Variants in RUFY3 observed in about 807,000 individuals in gnomAD.
RUFY3 encodes the protein protein RUFY3.
A neutral mutation model predicts 84.0 loss-of-function variants in RUFY3; 34 were observed. The ratio of observed to expected loss-of-function variants is 0.40; its 90% CI spans 0.31 to 0.54. RUFY3 has a LOEUF of 0.54. Among genes scored for constraint, RUFY3 ranks in the 20% least tolerant of loss-of-function variants. RUFY3 has a pLI of 0.39. For missense variants in RUFY3, 507 were observed against 736.8 expected (o/e 0.69, Z 3.61); for synonymous variants, 242 against 252.9 (o/e 0.96, Z 0.41).
chr4:70,787,187 A>AATATATATATAT (rs1202870337), intron 10 of RUFY3, among the ~76,000 whole-genome samples: 3 of 81,472 alleles, frequency 3.7e-5, no homozygotes, highest in African/African-American at 1.6e-4. Flanking sequence ...AAAAAAAAAA[A>AATATATATATAT]ATATATATAT....
At chr4:70,714,624 A>G (rs2148566707) in intron 1 of RUFY3, among the ~76,000 whole-genome samples, 1 of 152,344 alleles carries the variant, frequency 6.6e-6, no homozygotes, top group Middle Eastern at 3.4e-3. Flanking sequence ...GGGTGGAAAA[A>G]TGCCATTGCA....
At chr4:70,773,129 T>C (rs1313749317) in intron 5 of RUFY3, among the ~76,000 whole-genome samples, 2 of 152,212 alleles carry the variant, frequency 1.3e-5, no homozygotes, top group African/African-American at 4.8e-5. Context: ...CCCTTTTTTT[T>C]AGCTGTATTT....
intron 13 of RUFY3, chr4:70,794,556 G>A (rs182268486): frequency 4.5e-6 from 2 of 446,980 alleles, no homozygotes; most frequent in African/African-American, 4.1e-5. Context: ...ACTCCAGCCT[G>A]GCAACAGAAC....
At position 70,736,506 on chromosome 4, in the gene RUFY3, G is replaced by A. The variant is rs569906193; in HGVS notation, c.178+13755G>A. Among the ~76,000 whole-genome samples the A allele has an allele frequency of 2.0e-5, 3 of 151,966 alleles. No homozygotes were observed. In the South Asian group the frequency reaches 6.2e-4, roughly 32 times the overall value. ...TCCTCTGCAATATTTTTCCATATGG[G>A]TAAATTGAAATTTTTGTCATTTTGT... is the stretch of plus-strand genomic sequence containing the variant. On this transcript the variant is annotated intron_variant, in intron 1 of 17. Coordinates refer to ENST00000381006, the MANE Select transcript of RUFY3 (RefSeq NM_001037442.4).
chr4:70,758,237 A>G (rs1473028493), intron 1 of RUFY3, among the ~76,000 whole-genome samples: 1 of 152,194 alleles, frequency 6.6e-6, no homozygotes, highest in Admixed American at 6.5e-5. Context: ...GTTTTGCAAA[A>G]TCATTTTACA....
intron 10 of RUFY3, among the ~76,000 whole-genome samples, chr4:70,785,843 A>G (rs1489322059): frequency 6.6e-6 from 1 of 152,176 alleles, no homozygotes; most frequent in Non-Finnish European, 1.5e-5. Context: ...CTCAAAAAAT[A>G]AAAAATAAAT....
intron 1 of RUFY3, among the ~76,000 whole-genome samples, chr4:70,750,404 T>C (rs566869041): frequency 6.6e-6 from 1 of 152,348 alleles, no homozygotes; most frequent in East Asian, 1.9e-4. Context: ...TCAGCCCATT[T>C]TCAAAGTCTG....
chr4:70,726,933 T>G (rs1262190528), intron 1 of RUFY3, among the ~76,000 whole-genome samples: 1 of 152,198 alleles, frequency 6.6e-6, no homozygotes, highest in Admixed American at 6.5e-5. Context: ...AAAATTCATT[T>G]TGCATTTTCT....
intron 1 of RUFY3, among the ~76,000 whole-genome samples, chr4:70,741,869 G>T (rs1239716734): frequency 6.6e-6 from 1 of 152,170 alleles, no homozygotes; most frequent in East Asian, 1.9e-4. Flanking sequence ...GCTTTTGAAA[G>T]ATATTTGCTG....
intron 12 of RUFY3, among the ~76,000 whole-genome samples, chr4:70,790,645 C>T (rs942549065): frequency 3.9e-5 from 6 of 152,218 alleles, no homozygotes; most frequent in African/African-American, 1.4e-4. Context: ...TGGCACTTCT[C>T]ACTGTCTACT....
At chr4:70,776,193 A>G (rs1166660976) in intron 7 of RUFY3, among the ~76,000 whole-genome samples, 2 of 152,170 alleles carry the variant, frequency 1.3e-5, no homozygotes, top group Non-Finnish European at 2.9e-5. Flanking sequence ...TTTCCTATAC[A>G]TATGTACCTA....
intron 1 of RUFY3, among the ~76,000 whole-genome samples, chr4:70,759,458 A>G (rs996694333): frequency 6.6e-6 from 1 of 151,502 alleles, no homozygotes; most frequent in African/African-American, 2.4e-5. Context: ...TATCTTGGTT[A>G]TTGTGAATAG....
Position 70,771,384 on chromosome 4 carries a change from A to G in RUFY3, c.697-2127A>G, listed in dbSNP as rs117771170. Among the ~76,000 whole-genome samples the G allele has an allele frequency of 9.4e-3, 1,424 of 152,268 alleles. 23 individuals are homozygous for G. The highest frequency in any genetic ancestry group is 0.056 in the South Asian group (269 of 4,818). The stretch of plus-strand genomic sequence containing the variant: ...AACAGAGTAAGGCATTCCACATGGT[A>G]GAAACATCCCACATAGAAAATTCAC... On this transcript the variant is annotated intron_variant, in intron 5 of 17. Coordinates refer to ENST00000381006, the MANE Select transcript of RUFY3 (RefSeq NM_001037442.4).
At chr4:70,711,341 CAT>C (rs1184167665) in intron 1 of RUFY3, among the ~76,000 whole-genome samples, 1 of 152,040 alleles carries the variant, frequency 6.6e-6, no homozygotes, top group African/African-American at 2.4e-5. Context: ...GTTTTGTAAA[CAT>C]AGAGGCGTCT....
intron 9 of RUFY3, among the ~76,000 whole-genome samples, chr4:70,784,536 A>C (rs1265822424): frequency 1.3e-5 from 2 of 152,128 alleles, no homozygotes; most frequent in East Asian, 3.8e-4. Flanking sequence ...AATGAATGCT[A>C]TGTTATTTTT....
intron 1 of RUFY3, 43 bp from the exon 2 acceptor site, chr4:70,762,476 A>G (rs769914062): frequency 1.3e-6 from 2 of 1,539,722 alleles, no homozygotes; most frequent in South Asian, 1.2e-5. Flanking sequence ...AAAATGTGCT[A>G]TTTCTAGTAA....
intron 1 of RUFY3, among the ~76,000 whole-genome samples, chr4:70,750,596 A>G (rs867633471): frequency 1.5e-4 from 23 of 152,220 alleles, no homozygotes; most frequent in Admixed American, 9.8e-4. Context: ...GGTGGTTAGT[A>G]TAGTCACAAA....
At chr4:70,725,350 G>A (rs113307225) in intron 1 of RUFY3, among the ~76,000 whole-genome samples, 1 of 146,712 alleles carries the variant, frequency 6.8e-6, no homozygotes, top group Admixed American at 6.8e-5. Flanking sequence ...TTTTTTTTGA[G>A]ACAGAGTTTT....
intron 1 of RUFY3, among the ~76,000 whole-genome samples, chr4:70,740,085 G>C (rs573923253): frequency 3.0e-4 from 45 of 151,228 alleles, no homozygotes; most frequent in Admixed American, 5.9e-4. Context: ...GCTCTGAAAA[G>C]ATTTAAGCTG....
Sources: allele counts gnomAD v4.1 joint callset (sites outside exome capture counted in the v4.1 genomes callset), GRCh38; gene constraint gnomAD v4.1.1; transcripts MANE v1.5; gene names NCBI Gene and HGNC (gene_info 2026-07-23, HGNC 2026-07-21).